CAPN13: variants seen among roughly 807,000 people sequenced by gnomAD.
CAPN13 encodes the protein calpain 13, also known as calpain-13.
A neutral mutation model predicts 98.4 loss-of-function variants in CAPN13; 90 were observed. The observed-to-expected ratio is 0.92, with a 90% CI of 0.77 to 1.09. The LOEUF (loss-of-function observed/expected upper bound fraction) is 1.09. Among genes scored for constraint, CAPN13 ranks in the 50% least tolerant of loss-of-function variants. The pLI is 0.00. For synonymous variants in CAPN13, 330 were observed against 305.5 expected, an observed-to-expected ratio of 1.08 and a Z score of -0.84; for missense variants, 887 against 841.3, an observed-to-expected ratio of 1.05 and a Z score of -0.67.
rs201669453 is a variant in CAPN13 at position 30,751,273 on chromosome 2, C to G, written c.1088-22G>C. ...CCTCCTGCATCAGAAAGAGCTGTTA[C>G]TAGAGCTCAGCTCCACTCCTGGGAC... On this transcript the variant is annotated intron_variant, in intron 10 of 22. Transcript: ENST00000295055. 2.5e-5 allele frequency: 40 copies of G among 1,612,146 alleles called. No homozygotes were observed. In the African/African-American group the frequency reaches 5.2e-4, roughly 21 times the overall value.
Position 30,801,790 on chromosome 2 carries a change from A to T in CAPN13, c.-33+5512T>A, listed in dbSNP as rs543874426. Among the ~76,000 whole-genome samples the T allele has an allele frequency of 7.6e-4, 116 of 152,112 alleles. 1 individual carries two copies. The highest frequency in any genetic ancestry group is 4.2e-3 in the South Asian group (20 of 4,808). On this transcript the variant is annotated intron_variant, in intron 1 of 22. Coordinates refer to ENST00000295055, the MANE Select transcript of CAPN13 (RefSeq NM_144575.3). ...TGAGGAAGAGAGTGGGAGGAATGAGATGGCCCAGACGCAGGGAGGACAAAG... is the reference window on the plus strand; with the variant it reads ...TGAGGAAGAGAGTGGGAGGAATGAGTTGGCCCAGACGCAGGGAGGACAAAG...
At chr2:30,748,345 G>A (rs1046043884) in intron 11 of CAPN13, among the ~76,000 whole-genome samples, 1 of 152,196 alleles carries the variant, frequency 6.6e-6, no homozygotes, top group African/African-American at 2.4e-5. Context: ...TCGTCTGAAA[G>A]CCCTGGAAAC....
At chr2:30,763,045 C>G (rs780929119) in intron 7 of CAPN13, 37 bp downstream of exon 7, 1 of 1,550,876 alleles carries the variant, frequency 6.4e-7, no homozygotes, top group Non-Finnish European at 8.8e-7. Flanking sequence ...GGGGCAGAGG[C>G]CAGGGGAGAG....
At chr2:30,724,950 T>A (rs1295527601) in intron 22 of CAPN13, among the ~76,000 whole-genome samples, 3 of 152,206 alleles carry the variant, frequency 2.0e-5, no homozygotes, top group African/African-American at 7.2e-5. Flanking sequence ...GTTGTCATAT[T>A]TCACCTAAAT....
intron 2 of CAPN13, among the ~76,000 whole-genome samples, chr2:30,785,820 A>T (rs1354307424): frequency 6.6e-6 from 1 of 152,186 alleles, no homozygotes; most frequent in Admixed American, 6.5e-5. Flanking sequence ...GACCTTTTGG[A>T]ACTTCTTTAA....
intron 7 of CAPN13, among the ~76,000 whole-genome samples, chr2:30,759,897 A>G (rs571896253): frequency 5.9e-5 from 9 of 152,242 alleles, no homozygotes; most frequent in Non-Finnish European, 8.8e-5. Context: ...GCACAGTCAC[A>G]CATGGGCCCA....
At chr2:30,756,143 C>T (rs1056947707) in intron 8 of CAPN13, among the ~76,000 whole-genome samples, 4 of 152,054 alleles carry the variant, frequency 2.6e-5, no homozygotes, top group African/African-American at 4.8e-5. Context: ...GCAAACATCA[C>T]GGCCATGTTC....
intron 11 of CAPN13, 40 bp downstream of exon 11, chr2:30,751,063 A>C (rs1672149272): frequency 1.2e-6 from 2 of 1,604,884 alleles, no homozygotes; most frequent in Admixed American, 1.7e-5. Flanking sequence ...GGTTTACACT[A>C]AATTTCTACA....
intron 1 of CAPN13, among the ~76,000 whole-genome samples, chr2:30,806,433 C>T (rs1675631281): frequency 6.6e-6 from 1 of 151,864 alleles, no homozygotes; most frequent in East Asian, 1.9e-4. Flanking sequence ...CAACAAAAAC[C>T]CACAATACTT....
rs543551018 is a variant in CAPN13 at position 30,805,469 on chromosome 2, A to G, written c.-33+1833T>C. Among the ~76,000 whole-genome samples, 9 of 152,246 alleles carry G rather than the reference A, an allele frequency of 5.9e-5. No individual in the cohort carries two copies. In the South Asian group the frequency reaches 8.3e-4, roughly 14 times the overall value. ...TAAGCTTTGCCTCAGGCTTTGTTTT[A>G]TAGAGAACCCAGGCTAAAATAATGT... On this transcript the variant is annotated intron_variant, in intron 1 of 22. Coordinates refer to ENST00000295055, the MANE Select transcript of CAPN13 (RefSeq NM_144575.3).
intron 2 of CAPN13, among the ~76,000 whole-genome samples, chr2:30,778,806 A>T (rs1673835205): frequency 6.6e-6 from 1 of 151,962 alleles, no homozygotes; most frequent in Non-Finnish European, 1.5e-5. Context: ...CGGGAGGGGA[A>T]CTCTCAGGCC....
intron 3 of CAPN13, among the ~76,000 whole-genome samples, chr2:30,777,356 T>C (rs1673753815): frequency 6.6e-6 from 1 of 152,272 alleles, no homozygotes; most frequent in South Asian, 2.1e-4. Context: ...GCACGGTCAT[T>C]GCAGAAACTC....
At chr2:30,750,473 A>G (rs1375568045) in intron 11 of CAPN13, among the ~76,000 whole-genome samples, 1 of 152,120 alleles carries the variant, frequency 6.6e-6, no homozygotes, top group African/African-American at 2.4e-5. Context: ...GTTTCATAAA[A>G]CCATGAAAGG....
At chr2:30,782,276 G>T (rs1674023773) in intron 2 of CAPN13, among the ~76,000 whole-genome samples, 1 of 152,218 alleles carries the variant, frequency 6.6e-6, no homozygotes, top group Admixed American at 6.5e-5. Flanking sequence ...TCTTGGATAA[G>T]AGAGCCCTGT....
At chr2:30,742,466 G>T in intron 13 of CAPN13, 107 bp from the exon 14 acceptor site, 2 of 1,230,068 alleles carry the variant, frequency 1.6e-6, no homozygotes, top group Non-Finnish European at 2.3e-6. Context: ...CCAAGTTCCT[G>T]AATGGGGCAC....
At chr2:30,739,912 C>T (rs997190500) in intron 15 of CAPN13, among the ~76,000 whole-genome samples, 2 of 152,070 alleles carry the variant, frequency 1.3e-5, no homozygotes, top group African/African-American at 4.8e-5. Flanking sequence ...TAGAGTGGGG[C>T]TTGTAATGTC....
chr2:30,786,950 G>A (rs1467485649), intron 2 of CAPN13, among the ~76,000 whole-genome samples, 178 bp downstream of exon 2: 2 of 152,172 alleles, frequency 1.3e-5, no homozygotes, highest in Non-Finnish European at 2.9e-5. Context: ...TGGGCTCCTG[G>A]TTCCTGCTAT....
chr2:30,749,141 C>T (rs983370598), intron 11 of CAPN13, among the ~76,000 whole-genome samples: 3 of 152,170 alleles, frequency 2.0e-5, no homozygotes, highest in Non-Finnish European at 4.4e-5. Context: ...TGTGAACATG[C>T]TTGTACTTCT....
rs535633112 is a variant in CAPN13 at position 30,746,562 on chromosome 2, C to G, written c.1237-828G>C. 2.3e-4 allele frequency: 40 copies of G among 173,204 alleles called. No individual in the cohort carries two copies. The South Asian group carries it at 4.7e-3, about 20-fold the overall frequency. 10.7% of individuals were successfully genotyped at this position (173,204 alleles called of 1,614,324 possible). ...CTTTCCAAGGCCATGGCTCTTGCAG[C>G]CTGAGGATGTCAGCCCACACATCTC... On this transcript the variant is annotated intron_variant, in intron 11 of 22. Transcript: ENST00000295055.
Sources: gnomAD v4.1 joint callset for allele counts (sites outside exome capture counted in the v4.1 genomes callset) on GRCh38, gnomAD v4.1.1 for gene constraint, MANE v1.5 for transcripts, NCBI Gene and HGNC (gene_info 2026-07-23, HGNC 2026-07-21) for gene names.